Variants in CSMD1 observed in about 807,000 individuals in gnomAD.
The protein encoded by CSMD1 is CUB and Sushi multiple domains 1.
In CSMD1, 213 loss-of-function variants were observed where a neutral mutation model predicts 417.5. The ratio of observed to expected loss-of-function variants is 0.51; its 90% CI spans 0.46 to 0.57. The LOEUF (loss-of-function observed/expected upper bound fraction) is 0.57, where lower values mean the gene tolerates loss of function less well. CSMD1 is among the 20% of genes least tolerant of loss of function. The probability of loss-of-function intolerance (pLI) is 0.00; values close to 1 mark genes in which losing one functional copy is unlikely to be tolerated. For synonymous variants in CSMD1, 2,862 were observed against 1,736.8 expected, an observed-to-expected ratio of 1.65 and a Z score of -16.11; for missense variants, 6,923 against 4,529.7, an observed-to-expected ratio of 1.53 and a Z score of -15.17.
intron 41 of CSMD1, among the ~76,000 whole-genome samples, chr8:3,119,406 A>AAAC (rs1817062746): frequency 1.4e-5 from 2 of 144,266 alleles, no homozygotes; most frequent in Non-Finnish European, 3.0e-5. Context: ...AAAAAAAAAA[A>AAAC]AAAAAACACT....
At chr8:4,550,032 C>T (rs2130558784) in intron 2 of CSMD1, among the ~76,000 whole-genome samples, 1 of 151,768 alleles carries the variant, frequency 6.6e-6, no homozygotes, top group African/African-American at 2.4e-5. Context: ...AGAAAAGTGG[C>T]TGCAGCATTC....
At chr8:4,637,872 T>G (rs1410355006) in intron 1 of CSMD1, among the ~76,000 whole-genome samples, 1 of 151,244 alleles carries the variant, frequency 6.6e-6, no homozygotes, top group South Asian at 2.1e-4. Context: ...GGGTTTCACC[T>G]TGTTAGCCAG....
At chr8:4,270,842 A>G (rs1662669897) in intron 3 of CSMD1, among the ~76,000 whole-genome samples, 1 of 151,996 alleles carries the variant, frequency 6.6e-6, no homozygotes, top group South Asian at 2.1e-4. Flanking sequence ...TGACTTCCCC[A>G]CTTACTCACT....
intron 1 of CSMD1, among the ~76,000 whole-genome samples, chr8:4,674,498 A>G (rs1336229200): frequency 6.6e-6 from 1 of 152,124 alleles, no homozygotes; most frequent in African/African-American, 2.4e-5. Flanking sequence ...GGAATGAGGG[A>G]ACAGTACGTA....
chr8:3,187,958 A>G lies in CSMD1; in HGVS notation c.5531T>C (p.Val1844Ala). Residue 1844 changes from valine to alanine, a missense_variant, in exon 36 of 70, where the codon GTG becomes GCG. Coordinates refer to ENST00000635120, the MANE Select transcript of CSMD1 (RefSeq NM_033225.6). Reference protein sequence around the residue: ...VTEGSGIQIQVISFATEQNWD... With the variant: ...VTEGSGIQIQAISFATEQNWD... Reference sequence around the variant, plus strand: ...GTTCTGCTCCGTGGCAAAACTGATCACTTGGATCTACCAAACCATGACATT... The same window carrying G: ...GTTCTGCTCCGTGGCAAAACTGATCGCTTGGATCTACCAAACCATGACATT... 1 of 1,612,378 alleles carries G rather than the reference A, an allele frequency of 6.2e-7. No individual in the cohort carries two copies. The highest frequency in any genetic ancestry group is 8.5e-7 in the Non-Finnish European group (1 of 1,179,286).
At chr8:4,785,883 A>G (rs980910103) in intron 1 of CSMD1, among the ~76,000 whole-genome samples, 1 of 152,126 alleles carries the variant, frequency 6.6e-6, no homozygotes, top group South Asian at 2.1e-4. Flanking sequence ...CGGGGCCTGG[A>G]TTTTAACCCA....
At chr8:4,730,325 A>G (rs1483768554) in intron 1 of CSMD1, among the ~76,000 whole-genome samples, 3 of 152,224 alleles carry the variant, frequency 2.0e-5, no homozygotes, top group African/African-American at 7.2e-5. Flanking sequence ...AGTTCAAAGA[A>G]ATGTTGCAGG....
intron 3 of CSMD1, among the ~76,000 whole-genome samples, chr8:4,309,947 T>A (rs752799151): frequency 2.1e-4 from 32 of 152,196 alleles, no homozygotes; most frequent in African/African-American, 7.2e-4. Flanking sequence ...TAGTCGATTA[T>A]AGTTACCCCT....
chr8:4,770,816 A>G (rs191014854), intron 1 of CSMD1, among the ~76,000 whole-genome samples: 63 of 152,272 alleles, frequency 4.1e-4, no homozygotes, highest in African/African-American at 1.5e-3. Context: ...CTCAAAATGA[A>G]TAAAAATCCT....
chr8:3,329,837 G>A (rs1433294691), intron 23 of CSMD1, among the ~76,000 whole-genome samples: 1 of 152,128 alleles, frequency 6.6e-6, no homozygotes, highest in Non-Finnish European at 1.5e-5. Context: ...TACTTGCTAG[G>A]GGCACAGGGC....
rs981912100 is a variant in CSMD1 at position 3,600,668 on chromosome 8, T to G, written c.1098-14408A>C. 2.6e-5 allele frequency among the ~76,000 whole-genome samples: 4 copies of G among 152,212 alleles called. No individual in the cohort carries two copies. The East Asian group carries it at 5.8e-4, about 22-fold the overall frequency. On this transcript the variant is annotated intron_variant, in intron 8 of 69. Coordinates refer to ENST00000635120, the MANE Select transcript of CSMD1 (RefSeq NM_033225.6). ...CCAGATGATAAGAGACAGAAAACCA[T>G]TGCTCTGGTCTAAAGCGAAAGTCTG...
intron 1 of CSMD1, among the ~76,000 whole-genome samples, chr8:4,668,141 T>C (rs1301020383): frequency 1.3e-5 from 2 of 152,086 alleles, no homozygotes; most frequent in Non-Finnish European, 2.9e-5. Flanking sequence ...ACTCAATGAG[T>C]TTTCTGAAGT....
intron 3 of CSMD1, among the ~76,000 whole-genome samples, chr8:4,111,748 A>T (rs1018744698): frequency 2.6e-5 from 4 of 152,168 alleles, no homozygotes; most frequent in Admixed American, 2.6e-4. Context: ...AGAGGGCAAC[A>T]ACACACACTG....
chr8:3,656,923 TAAA>T (rs5888980), intron 7 of CSMD1, among the ~76,000 whole-genome samples: 1 of 142,542 alleles, frequency 7.0e-6, no homozygotes. Flanking sequence ...AGACTCTGTC[TAAA>T]AAAAAAAAAA....
At position 4,094,606 on chromosome 8, in the gene CSMD1, C is replaced by T. The variant is rs200934759; in HGVS notation, c.416-62507G>A. Among the ~76,000 whole-genome samples, 5 of 152,184 alleles carry T rather than the reference C, an allele frequency of 3.3e-5. No individual in the cohort carries two copies. The East Asian group carries it at 7.8e-4, about 24-fold the overall frequency. ...AGCACCGTGCTGTGCTTGTGTAGGTCAGAGGAGAGGCGTGTGTCACACATG... is the reference window on the plus strand; with the variant it reads ...AGCACCGTGCTGTGCTTGTGTAGGTTAGAGGAGAGGCGTGTGTCACACATG... On this transcript the variant is annotated intron_variant, in intron 3 of 69. Coordinates refer to ENST00000635120, the MANE Select transcript of CSMD1 (RefSeq NM_033225.6).
chr8:3,552,354 A>C (rs73176982), intron 10 of CSMD1, among the ~76,000 whole-genome samples: 14,156 of 152,188 alleles, frequency 0.093, 694 homozygotes, highest in Middle Eastern at 0.15. Context: ...TTTCTAAATT[A>C]AAGAAAACTA....
At chr8:4,313,062 T>C (rs17069871) in intron 3 of CSMD1, among the ~76,000 whole-genome samples, 4,197 of 152,222 alleles carry the variant, frequency 0.028, 166 homozygotes, top group East Asian at 0.21. Flanking sequence ...CAAATGAATA[T>C]AGTCCCATGA....
intron 1 of CSMD1, among the ~76,000 whole-genome samples, chr8:4,695,009 T>C (rs1460647405): frequency 6.6e-6 from 1 of 152,208 alleles, no homozygotes; most frequent in Non-Finnish European, 1.5e-5. Context: ...AAATACCACG[T>C]GATTAAGCTC....
chr8:4,889,263 A>G (rs1163746591), intron 1 of CSMD1, among the ~76,000 whole-genome samples: 1 of 152,138 alleles, frequency 6.6e-6, no homozygotes, highest in African/African-American at 2.4e-5. Flanking sequence ...TATTATTGCC[A>G]AAAATCCATA....
Sources: gnomAD v4.1 joint callset for allele counts (sites outside exome capture counted in the v4.1 genomes callset) on GRCh38, gnomAD v4.1.1 for gene constraint, MANE v1.5 for transcripts, NCBI Gene and HGNC (gene_info 2026-07-23, HGNC 2026-07-21) for gene names.